Variants in PRKCZ observed in about 807,000 individuals in gnomAD.
The protein encoded by PRKCZ is protein kinase C zeta.
In PRKCZ, 33 loss-of-function variants were observed where a neutral mutation model predicts 79.5. That is an observed-to-expected ratio of 0.41 (90% CI 0.31 to 0.55). PRKCZ has a LOEUF of 0.55. PRKCZ is among the 20% of genes least tolerant of loss of function. The pLI, the probability that PRKCZ is intolerant of heterozygous loss-of-function variation, is 0.19. For missense variants in PRKCZ, 578 were observed against 813.5 expected, an observed-to-expected ratio of 0.71 and a Z score of 3.52; for synonymous variants, 342 against 320.9, an observed-to-expected ratio of 1.07 and a Z score of -0.70.
chr1:2,118,602 G>T (rs368753326), intron 4 of PRKCZ, among the ~76,000 whole-genome samples: 1 of 152,176 alleles, frequency 6.6e-6, no homozygotes, highest in Non-Finnish European at 1.5e-5. Flanking sequence ...CTCCCAAAGT[G>T]CTGGGATTAC....
intron 4 of PRKCZ, among the ~76,000 whole-genome samples, chr1:2,105,570 T>C (rs1484463650): frequency 3.9e-5 from 6 of 152,180 alleles, no homozygotes; most frequent in African/African-American, 1.4e-4. Flanking sequence ...CAGCTAATTT[T>C]TGTATTTTTA....
Position 2,082,299 on chromosome 1 carries a change from G to T in PRKCZ, c.334+22708G>T, listed in dbSNP as rs1001321160. 1 of 445,104 alleles carries T rather than the reference G, an allele frequency of 2.2e-6. No individual in the cohort carries two copies. The highest frequency in any genetic ancestry group is 4.5e-6 in the Non-Finnish European group (1 of 221,360). The allele number at this position is 445,104 out of a possible 1,614,324, so 27.6% of individuals were successfully genotyped here. ...ACGATCACACGTGCAGGAGCTGGGG[G>T]CTGCCAGAGCGGCTGTTCAAGATGG... On this transcript the variant is annotated intron_variant, in intron 4 of 17. Transcript: ENST00000378567. The surrounding 1 kb of genome is among the most constrained non-coding windows in gnomAD (Gnocchi z 4.4).
At chr1:2,126,560 G>A (rs900849695) in intron 4 of PRKCZ, among the ~76,000 whole-genome samples, 29 of 152,220 alleles carry the variant, frequency 1.9e-4, no homozygotes, top group African/African-American at 6.0e-4. Context: ...CCCTGGGCCC[G>A]TGATGTCACT....
chr1:2,083,051 C>T (rs1269959268), intron 4 of PRKCZ, among the ~76,000 whole-genome samples: 1 of 152,150 alleles, frequency 6.6e-6, no homozygotes, highest in African/African-American at 2.4e-5. Context: ...ACATTTAGGG[C>T]GGCTGTACAG....
At chr1:2,057,750 G>A (rs912781427) in intron 3 of PRKCZ, among the ~76,000 whole-genome samples, 5 of 152,124 alleles carry the variant, frequency 3.3e-5, no homozygotes, top group Non-Finnish European at 7.4e-5. Flanking sequence ...CTGTCCCCAG[G>A]CTGGAGTGCA....
chr1:2,085,199 C>T (rs923800924), intron 4 of PRKCZ, among the ~76,000 whole-genome samples: 6 of 152,272 alleles, frequency 3.9e-5, no homozygotes, highest in East Asian at 1.9e-4. Flanking sequence ...AAGACAAAGA[C>T]GTAGACTGTA....
intron 4 of PRKCZ, among the ~76,000 whole-genome samples, chr1:2,092,067 TGCG>T (rs1665611019): frequency 6.6e-6 from 1 of 152,162 alleles, no homozygotes; most frequent in Non-Finnish European, 1.5e-5. Context: ...CTGCCACCTG[TGCG>T]GCCGCAGAGT....
intron 4 of PRKCZ, among the ~76,000 whole-genome samples, chr1:2,124,985 C>T (rs545114093): frequency 6.6e-6 from 1 of 152,198 alleles, no homozygotes; most frequent in Admixed American, 6.5e-5. Flanking sequence ...AGCTCAGTTC[C>T]TGGTTCTGAG....
chr1:2,131,726 T>A (rs1674995466), intron 4 of PRKCZ, among the ~76,000 whole-genome samples: 1 of 152,128 alleles, frequency 6.6e-6, no homozygotes, highest in African/African-American at 2.4e-5. Flanking sequence ...TAGCCTGAAG[T>A]TGGATTGGTT....
At chr1:2,112,442 G>A (rs908272052) in intron 4 of PRKCZ, among the ~76,000 whole-genome samples, 2 of 152,096 alleles carry the variant, frequency 1.3e-5, no homozygotes, top group South Asian at 2.1e-4. Flanking sequence ...CCCCTGCCCC[G>A]TGAACACCAG....
rs975567107 is a variant in PRKCZ, at chr1:2,050,499, T to C, written c.-132T>C. On this transcript the variant is annotated 5_prime_UTR_variant, in exon 1 of 18. Coordinates refer to ENST00000378567, the MANE Select transcript of PRKCZ (RefSeq NM_002744.6). The stretch of plus-strand genomic sequence containing the variant: ...CGCGCGCCGCCGGAGTTCCGCGGAG[T>C]TGACCGGGTCGGCGCCGTCGGTCCT... The C allele has an allele frequency of 2.3e-6, 1 of 426,674 alleles. No individual in the cohort carries two copies. Among genetic ancestry groups the C allele is most frequent in the Non-Finnish European group, 3.5e-6 (1 of 282,428 alleles). The allele number at this position is 426,674 out of a possible 1,614,324, so 26.4% of individuals were successfully genotyped here.
intron 4 of PRKCZ, among the ~76,000 whole-genome samples, chr1:2,086,309 C>A (rs953836305): frequency 6.6e-6 from 1 of 152,080 alleles, no homozygotes; most frequent in African/African-American, 2.4e-5. Context: ...GATCCTCTTG[C>A]CTCAGCCTCC....
chr1:2,147,930 C>T (rs1337235651), intron 7 of PRKCZ, among the ~76,000 whole-genome samples: 1 of 151,860 alleles, frequency 6.6e-6, no homozygotes, highest in Non-Finnish European at 1.5e-5. Context: ...ACTGACCTCT[C>T]CGTCTATCCA....
At chr1:2,153,581 G>T (rs1257178070) in intron 9 of PRKCZ, among the ~76,000 whole-genome samples, 1 of 152,232 alleles carries the variant, frequency 6.6e-6, no homozygotes, top group Non-Finnish European at 1.5e-5. Flanking sequence ...CTGCGCCGAG[G>T]AACAGAGGCC....
intron 4 of PRKCZ, among the ~76,000 whole-genome samples, chr1:2,105,405 A>AT (rs1177356961): frequency 1.3e-5 from 2 of 152,178 alleles, no homozygotes; most frequent in East Asian, 3.9e-4. Context: ...GTTAGGCCTT[A>AT]TTTATTTATT....
chr1:2,173,402 C>A lies in PRKCZ; in HGVS notation c.1286-495C>A, dbSNP rs374276608. ...GGGACTTCCGGGGACGCAGAGACAG[C>A]TGCTGTCCTTGGGCAAAACGGGTCA... On this transcript the variant is annotated intron_variant, in intron 13 of 17. Transcript: ENST00000378567. This position sits in a 1 kb window ranked among gnomAD's most constrained non-coding sequence, Gnocchi z 5.7. 9.5e-4 allele frequency among the ~76,000 whole-genome samples: 144 copies of A among 152,342 alleles called. 4 individuals are homozygous for A. In the South Asian group the frequency reaches 0.023, roughly 24 times the overall value.
intron 1 of PRKCZ, among the ~76,000 whole-genome samples, chr1:2,053,120 T>TTC (rs1378585915): frequency 1.3e-5 from 2 of 151,654 alleles, no homozygotes; most frequent in East Asian, 3.9e-4. Context: ...TCAGACTTTT[T>TTC]TTTTTTTTTG....
In PRKCZ at chr1:2,166,771, T is replaced by TGA. The variant is rs574504171; in HGVS notation, c.975-2747_975-2746insGA. Among the ~76,000 whole-genome samples the TGA allele has an allele frequency of 2.1e-3, 325 of 152,264 alleles. 3 individuals are homozygous for TGA. Among genetic ancestry groups the TGA allele is most frequent in the South Asian group, 0.01 (50 of 4,832 alleles). On this transcript the variant is annotated intron_variant, in intron 10 of 17. Transcript: ENST00000378567. ...CACCCCCAGGCTGTGCTTCCCAGCA[T>TGA]CCCTTGGGGTCAGGACTGTGTGTGT... is the stretch of plus-strand genomic sequence containing the variant.
chr1:2,121,668 G>A (rs201929535), intron 4 of PRKCZ, among the ~76,000 whole-genome samples: 2,335 of 8,476 alleles, frequency 0.28, 368 homozygotes, highest in African/African-American at 0.51. Flanking sequence ...GGTTAGGGTC[G>A]TGGTGGTGGT....
Sources: allele counts gnomAD v4.1 joint callset (sites outside exome capture counted in the v4.1 genomes callset), GRCh38; gene constraint gnomAD v4.1.1; non-coding constraint Gnocchi (gnomAD v3.1); transcripts MANE v1.5; gene names NCBI Gene and HGNC (gene_info 2026-07-23, HGNC 2026-07-21).